Variants in CTIF observed in about 807,000 individuals in gnomAD.
CTIF encodes the protein CBP80/20-dependent translation initiation factor.
A neutral mutation model predicts 66.0 loss-of-function variants in CTIF; 21 were observed. The ratio of observed to expected loss-of-function variants is 0.32; its 90% CI spans 0.23 to 0.46. CTIF has a LOEUF of 0.46. Ranked by LOEUF, CTIF falls within the 20% of genes least tolerant of loss-of-function variation. The probability of loss-of-function intolerance (pLI) is 1.00; values close to 1 mark genes in which losing one functional copy is unlikely to be tolerated. For missense variants in CTIF, 739 were observed against 812.7 expected (o/e 0.91, Z 1.10); for synonymous variants, 345 against 326.4 (o/e 1.06, Z -0.62).
intron 1 of CTIF, among the ~76,000 whole-genome samples, chr18:48,577,577 TTTTG>T (rs57169767): frequency 1.3e-5 from 2 of 151,922 alleles, no homozygotes; most frequent in Non-Finnish European, 2.9e-5. Flanking sequence ...TTCTTGTTTC[TTTTG>T]TTTGTTTGTT....
chr18:48,740,939 C>T (rs1280475124), intron 7 of CTIF, among the ~76,000 whole-genome samples: 1 of 152,220 alleles, frequency 6.6e-6, no homozygotes, highest in Non-Finnish European at 1.5e-5. Flanking sequence ...CTCTCCTCAG[C>T]TTCCAGCTTT....
intron 1 of CTIF, among the ~76,000 whole-genome samples, chr18:48,581,620 C>T (rs907540): frequency 0.17 from 26,372 of 152,040 alleles, 3,583 homozygotes; most frequent in African/African-American, 0.38. Flanking sequence ...AAGGGTCCCC[C>T]CACCCCTGTC....
At chr18:48,745,545 T>C (rs1360940939) in intron 7 of CTIF, among the ~76,000 whole-genome samples, 2 of 152,268 alleles carry the variant, frequency 1.3e-5, no homozygotes, top group Non-Finnish European at 2.9e-5. Context: ...GATTTTCTAA[T>C]TCCATCATTC....
intron 1 of CTIF, among the ~76,000 whole-genome samples, chr18:48,593,457 T>A (rs999369592): frequency 6.6e-5 from 10 of 151,502 alleles, no homozygotes; most frequent in African/African-American, 4.9e-5. Flanking sequence ...CTCGGCTCAC[T>A]GCAAGCTCTG....
intron 3 of CTIF, among the ~76,000 whole-genome samples, chr18:48,657,448 CTG>C (rs1234372792): frequency 6.6e-6 from 1 of 152,186 alleles, no homozygotes; most frequent in African/African-American, 2.4e-5. Flanking sequence ...AAAGCATCGT[CTG>C]TGAACCATCC....
chr18:48,675,329 G>C (rs1055267267), intron 6 of CTIF, among the ~76,000 whole-genome samples: 3 of 152,204 alleles, frequency 2.0e-5, no homozygotes, highest in African/African-American at 7.2e-5. Context: ...ATCATTAACA[G>C]TCCTGCTCTG....
At chr18:48,801,031 C>T (rs1368774995) in intron 9 of CTIF, among the ~76,000 whole-genome samples, 1 of 152,212 alleles carries the variant, frequency 6.6e-6, no homozygotes, top group Non-Finnish European at 1.5e-5. Flanking sequence ...GGGAACAACA[C>T]AAGGGGCCCA....
chr18:48,662,693 CT>C (rs1265940433), intron 3 of CTIF: 1 of 151,958 alleles, frequency 6.6e-6, no homozygotes, highest in East Asian at 1.9e-4. Flanking sequence ...TTGGTTTCCT[CT>C]TCCAGTTACT....
At chr18:48,661,506 G>A (rs2091346541) in intron 3 of CTIF, among the ~76,000 whole-genome samples, 1 of 152,054 alleles carries the variant, frequency 6.6e-6, no homozygotes, top group African/African-American at 2.4e-5. Context: ...TCGGGAGGCA[G>A]GGGCTGTCCC....
chr18:48,779,931 T>C (rs1911054523), intron 9 of CTIF, among the ~76,000 whole-genome samples: 1 of 152,192 alleles, frequency 6.6e-6, no homozygotes, highest in Non-Finnish European at 1.5e-5. Context: ...GGCCCTGGTC[T>C]GTGGGGTATG....
At chr18:48,545,362 C>G (rs78255379) in intron 1 of CTIF, among the ~76,000 whole-genome samples, 1 of 152,126 alleles carries the variant, frequency 6.6e-6, no homozygotes, top group Non-Finnish European at 1.5e-5. Context: ...GGGAGCCAGG[C>G]GGCCATGGGA....
At position 48,761,741 on chromosome 18, in the gene CTIF, G is replaced by T; in HGVS notation, c.1371+52G>T. The stretch of plus-strand genomic sequence containing the variant: ...CCGCGCCCCCTGCCCCTCTGCGTTC[G>T]GTGAGTTATTCCTAGCGAGAAGGCT... On this transcript the variant is annotated intron_variant, in intron 9 of 11. Transcript: ENST00000256413. The surrounding 1 kb of genome is among the most constrained non-coding windows in gnomAD (Gnocchi z 4.2). 1.9e-6 allele frequency: 3 copies of T among 1,540,686 alleles called. No individual in the cohort carries two copies. The highest frequency in any genetic ancestry group is 2.3e-5 in the East Asian group (1 of 44,244).
chr18:48,672,251 C>T (rs2091547933), intron 6 of CTIF, among the ~76,000 whole-genome samples: 1 of 151,896 alleles, frequency 6.6e-6, no homozygotes. Context: ...TCTTCAAAGC[C>T]CCTCATAAAT....
At chr18:48,581,967 C>G (rs1240229177) in intron 1 of CTIF, among the ~76,000 whole-genome samples, 2 of 151,944 alleles carry the variant, frequency 1.3e-5, no homozygotes, top group African/African-American at 2.4e-5. Context: ...TGAGTAGACC[C>G]AGAAGGATGA....
chr18:48,649,385 CA>C (rs1486536690), intron 3 of CTIF, among the ~76,000 whole-genome samples: 3 of 152,260 alleles, frequency 2.0e-5, no homozygotes, highest in Admixed American at 1.3e-4. Flanking sequence ...TGTGAGGCAG[CA>C]GCCTGGAGGG....
At chr18:48,579,438 G>C (rs2089605145) in intron 1 of CTIF, among the ~76,000 whole-genome samples, 1 of 152,322 alleles carries the variant, frequency 6.6e-6, no homozygotes, top group East Asian at 1.9e-4. Flanking sequence ...GAGCCACTGT[G>C]CCTGGCCATC....
chr18:48,614,158 T>C (rs2090357007), intron 1 of CTIF, among the ~76,000 whole-genome samples: 1 of 152,090 alleles, frequency 6.6e-6, no homozygotes, highest in Non-Finnish European at 1.5e-5. Context: ...AGCCCAGCTG[T>C]TTGGGGACTT....
At chr18:48,551,366 A>C (rs547828973) in intron 1 of CTIF, among the ~76,000 whole-genome samples, 22 of 152,140 alleles carry the variant, frequency 1.4e-4, no homozygotes, top group African/African-American at 4.6e-4. Flanking sequence ...TGAATATGGA[A>C]GGATTCTCCC....
At chr18:48,592,749 T>A (rs1209967816) in intron 1 of CTIF, among the ~76,000 whole-genome samples, 1 of 152,192 alleles carries the variant, frequency 6.6e-6, no homozygotes, top group South Asian at 2.1e-4. Flanking sequence ...GTGCTGAGGA[T>A]AGCGATTAGC....
Sources: gnomAD v4.1 joint callset for allele counts (sites outside exome capture counted in the v4.1 genomes callset) on GRCh38, gnomAD v4.1.1 for gene constraint, Gnocchi (gnomAD v3.1) non-coding constraint, MANE v1.5 for transcripts, NCBI Gene and HGNC (gene_info 2026-07-23, HGNC 2026-07-21) for gene names.